WASF3: variants seen among roughly 807,000 people sequenced by gnomAD.
WASF3 encodes the protein WASP family member 3.
WASF3 carries 11 observed loss-of-function variants against 46.6 expected under a neutral mutation model. The observed-to-expected ratio is 0.24, with a 90% CI of 0.15 to 0.39. The LOEUF (loss-of-function observed/expected upper bound fraction) is 0.39, where lower values mean the gene tolerates loss of function less well. Among genes scored for constraint, WASF3 ranks in the 10% least tolerant of loss-of-function variants. The pLI is 1.00. For synonymous variants in WASF3, 242 were observed against 259.7 expected, an observed-to-expected ratio of 0.93 and a Z score of 0.65; for missense variants, 576 against 669.8, an observed-to-expected ratio of 0.86 and a Z score of 1.55.
At chr13:26,663,884 A>G (rs537080260) in intron 3 of WASF3, among the ~76,000 whole-genome samples, 7 of 152,264 alleles carry the variant, frequency 4.6e-5, no homozygotes, top group South Asian at 2.1e-4. Context: ...TGTTTCATCT[A>G]TTTCTGCCAT....
In WASF3 at chr13:26,613,274, A is replaced by C. The variant is rs1593148287; in HGVS notation, c.-11+216A>C. Among the ~76,000 whole-genome samples, 4 of 151,984 alleles carry C rather than the reference A, an allele frequency of 2.6e-5. No homozygotes were observed. In the South Asian group the frequency reaches 8.3e-4, roughly 32 times the overall value. On this transcript the variant is annotated intron_variant, in intron 2 of 9. Transcript: ENST00000335327. ...TTGGGACATTGAAAGAGAAAAAAAAACTTGATATATTCACTTCCATGTTAA... is the reference window on the plus strand; with the variant it reads ...TTGGGACATTGAAAGAGAAAAAAAACCTTGATATATTCACTTCCATGTTAA...
chr13:26,606,302 TTTC>T (rs1880794336), intron 1 of WASF3, among the ~76,000 whole-genome samples: 7 of 149,950 alleles, frequency 4.7e-5, no homozygotes, highest in African/African-American at 1.5e-4. Flanking sequence ...CTTTCTCTTT[TTTC>T]TTTTCTCTTT....
chr13:26,575,249 T>C (rs1185363143), intron 1 of WASF3, among the ~76,000 whole-genome samples: 1 of 152,222 alleles, frequency 6.6e-6, no homozygotes, highest in African/African-American at 2.4e-5. Context: ...ATGGCTTTTT[T>C]TTCTTTCCTT....
At chr13:26,554,572 A>T (rs1879059414), upstream of WASF3, among the ~76,000 whole-genome samples, 1 of 152,166 alleles carries the variant, frequency 6.6e-6, no homozygotes, top group African/African-American at 2.4e-5. Context: ...TAAGAAACGA[A>T]ACTTTCTTTT....
intron 1 of WASF3, among the ~76,000 whole-genome samples, chr13:26,558,510 G>T (rs868051650): frequency 1.3e-5 from 2 of 152,150 alleles, no homozygotes; most frequent in African/African-American, 4.8e-5. Flanking sequence ...TCATCCCCGG[G>T]GGTCTTTACC....
intron 1 of WASF3, chr13:26,609,716 A>G (rs1880912418): frequency 6.6e-6 from 1 of 152,338 alleles, no homozygotes; most frequent in Non-Finnish European, 1.5e-5. Flanking sequence ...GTGAACAAGG[A>G]TAAGTACATC....
chr13:26,606,331 T>TC (rs1880797618), intron 1 of WASF3, among the ~76,000 whole-genome samples: 1 of 76,788 alleles, frequency 1.3e-5, no homozygotes, highest in African/African-American at 4.5e-5. Flanking sequence ...CGTGTGTGTG[T>TC]GTGTGTGTGT....
intron 2 of WASF3, among the ~76,000 whole-genome samples, chr13:26,631,429 A>G (rs1881648969): frequency 6.6e-6 from 1 of 152,198 alleles, no homozygotes; most frequent in Non-Finnish European, 1.5e-5. Flanking sequence ...TAAATAGGGA[A>G]TCCTTTCTCC....
chr13:26,592,705 G>T (rs970595073), intron 1 of WASF3, among the ~76,000 whole-genome samples: 2 of 152,144 alleles, frequency 1.3e-5, no homozygotes, highest in Non-Finnish European at 2.9e-5. Context: ...GATTTTGGTG[G>T]ATTATATACA....
chr13:26,575,607 T>C (rs1340449244), intron 1 of WASF3, among the ~76,000 whole-genome samples: 1 of 152,232 alleles, frequency 6.6e-6, no homozygotes, highest in African/African-American at 2.4e-5. Flanking sequence ...TCAGGAAAGA[T>C]ACATGTGTAA....
At chr13:26,593,115 T>C (rs1021210362) in intron 1 of WASF3, among the ~76,000 whole-genome samples, 6 of 152,158 alleles carry the variant, frequency 3.9e-5, no homozygotes, top group Admixed American at 3.3e-4. Flanking sequence ...GGTGAATGTA[T>C]GTGGGTGGGG....
chr13:26,557,464 G>A (rs1168501543), upstream of WASF3, among the ~76,000 whole-genome samples: 1 of 152,088 alleles, frequency 6.6e-6, no homozygotes, highest in East Asian at 1.9e-4. Flanking sequence ...GCCTCATCCC[G>A]AGCTGGGGGC....
At chr13:26,662,917 C>A (rs144459444) in intron 3 of WASF3, among the ~76,000 whole-genome samples, 102 of 152,146 alleles carry the variant, frequency 6.7e-4, no homozygotes, top group African/African-American at 2.3e-3. Flanking sequence ...TAGATTTTAT[C>A]TTGAAATGAC....
chr13:26,678,204 GATAA>G (rs1400889875), intron 7 of WASF3, among the ~76,000 whole-genome samples: 2 of 151,962 alleles, frequency 1.3e-5, no homozygotes, highest in Admixed American at 1.3e-4. Context: ...TTTACTATCA[GATAA>G]ATAGATTATA....
At chr13:26,648,323 T>C (rs1279253512) in intron 3 of WASF3, among the ~76,000 whole-genome samples, 1 of 152,200 alleles carries the variant, frequency 6.6e-6, no homozygotes, top group Non-Finnish European at 1.5e-5. Flanking sequence ...TGTTTTCTTT[T>C]CAAAGGTTTT....
At chr13:26,546,442 C>T in the WASF3 span, among the ~76,000 whole-genome samples, 32 of 152,330 alleles carry the variant, frequency 2.1e-4, no homozygotes, top group East Asian at 6.2e-3. Context: ...TGGCTCACGC[C>T]TGCAAATCCC....
At chr13:26,635,371 C>G (rs573333541) in intron 2 of WASF3, among the ~76,000 whole-genome samples, 3 of 152,310 alleles carry the variant, frequency 2.0e-5, no homozygotes, top group South Asian at 2.1e-4. Context: ...ATTGTTTATT[C>G]TAGTTAGCCA....
chr13:26,577,929 AG>A (rs1456884285), intron 1 of WASF3, among the ~76,000 whole-genome samples: 1 of 152,188 alleles, frequency 6.6e-6, no homozygotes, highest in Non-Finnish European at 1.5e-5. Flanking sequence ...TAGTCACTAC[AG>A]TTGATTTCTT....
chr13:26,633,091 C>G (rs1406931412), intron 2 of WASF3, among the ~76,000 whole-genome samples: 1 of 150,790 alleles, frequency 6.6e-6, no homozygotes, highest in Non-Finnish European at 1.5e-5. Flanking sequence ...TGCTAGTGGT[C>G]TATCAATTTT....
Sources: allele counts gnomAD v4.1 joint callset (sites outside exome capture counted in the v4.1 genomes callset), GRCh38; gene constraint gnomAD v4.1.1; transcripts MANE v1.5; gene names NCBI Gene and HGNC (gene_info 2026-07-23, HGNC 2026-07-21).